Variants in MEGF10 observed in about 807,000 individuals in gnomAD.
The protein encoded by MEGF10 is multiple EGF like domains 10.
MEGF10 carries 86 observed loss-of-function variants against 147.5 expected under a neutral mutation model. That is an observed-to-expected ratio of 0.58 (90% CI 0.49 to 0.70). The LOEUF is 0.70. Ranked by LOEUF, MEGF10 falls within the 30% of genes least tolerant of loss-of-function variation. The pLI, the probability that MEGF10 is intolerant of heterozygous loss-of-function variation, is 0.00. For synonymous variants in MEGF10, 478 were observed against 525.5 expected (o/e 0.91, Z 1.24); for missense variants, 1,329 against 1,487.3 (o/e 0.89, Z 1.75).
At chr5:127,391,077 C>G (rs1357216506) in intron 5 of MEGF10, among the ~76,000 whole-genome samples, 11 of 138,008 alleles carry the variant, frequency 8.0e-5, no homozygotes, top group African/African-American at 3.2e-4. Context: ...TATATACATA[C>G]ATACACACAT....
At chr5:127,354,835 G>T (rs1454053393) in intron 4 of MEGF10, among the ~76,000 whole-genome samples, 1 of 152,134 alleles carries the variant, frequency 6.6e-6, no homozygotes, top group African/African-American at 2.4e-5. Flanking sequence ...TTTTGTGTTG[G>T]GGATGGGAAA....
intron 6 of MEGF10, among the ~76,000 whole-genome samples, chr5:127,397,123 T>A: frequency 6.6e-6 from 1 of 152,332 alleles, no homozygotes; most frequent in East Asian, 1.9e-4. Flanking sequence ...CCCGAGAATA[T>A]GTTCATTTAT....
At chr5:127,235,535 CTGTT>C in the MEGF10 span, among the ~76,000 whole-genome samples, 1 of 152,208 alleles carries the variant, frequency 6.6e-6, no homozygotes, top group East Asian at 1.9e-4. Flanking sequence ...GAATAGCTGT[CTGTT>C]AGATTTCTTC....
chr5:127,445,747 C>T (rs907839132), intron 20 of MEGF10, 54 bp downstream of exon 20: 68 of 1,344,466 alleles, frequency 5.1e-5, no homozygotes, highest in East Asian at 9.2e-5. Flanking sequence ...AAATTTCATT[C>T]GGGTTCTTTA....
chr5:127,380,862 G>A (rs1404384865), intron 5 of MEGF10, among the ~76,000 whole-genome samples: 1 of 152,138 alleles, frequency 6.6e-6, no homozygotes, highest in Non-Finnish European at 1.5e-5. Flanking sequence ...CCTGGCCATA[G>A]ACTGGTAGCT....
intron 14 of MEGF10, among the ~76,000 whole-genome samples, chr5:127,434,274 AT>A (rs1765482101): frequency 6.6e-6 from 1 of 151,784 alleles, no homozygotes; most frequent in South Asian, 2.1e-4. Context: ...ATCGATTTTT[AT>A]TGCCAGAAAC....
the MEGF10 span, among the ~76,000 whole-genome samples, chr5:127,264,919 ATT>A: frequency 1.4e-5 from 2 of 146,278 alleles, no homozygotes; most frequent in East Asian, 4.0e-4. Context: ...TTACCCAGGT[ATT>A]TTTTTTTTTA....
intron 1 of MEGF10, among the ~76,000 whole-genome samples, chr5:127,329,562 G>A (rs966495102): frequency 6.6e-6 from 1 of 151,456 alleles, no homozygotes; most frequent in Non-Finnish European, 1.5e-5. Context: ...AGATAAATTT[G>A]CCTTTTCAAG....
chr5:127,243,074 A>G, the MEGF10 span, among the ~76,000 whole-genome samples: 1 of 152,212 alleles, frequency 6.6e-6, no homozygotes, highest in South Asian at 2.1e-4. Flanking sequence ...TTAGGTATGC[A>G]TGTAATGTGG....
chr5:127,365,656 C>T (rs1762628128), intron 4 of MEGF10, among the ~76,000 whole-genome samples: 1 of 152,114 alleles, frequency 6.6e-6, no homozygotes, highest in South Asian at 2.1e-4. Flanking sequence ...TCTTGGCTGC[C>T]CTGTGCAGCT....
In MEGF10 at chr5:127,449,209, C is replaced by T; in HGVS notation, c.2967C>T (p.Tyr989=). The change falls in exon 22 of 25, where the codon TAC becomes TAT. Residue 989 remains tyrosine, a synonymous_variant. Coordinates refer to ENST00000503335, the MANE Select transcript of MEGF10 (RefSeq NM_001256545.2). ...TLPADWKHGG[Y]LNELGAFGLD... ...CGGCTGACTGGAAACATGGCGGCTA[C>T]CTCAACGAGCTCGGTGAGTTCTCCC... 6.2e-7 allele frequency: 1 copy of T among 1,613,242 alleles called. No individual in the cohort carries two copies. The highest frequency in any genetic ancestry group is 8.5e-7 in the Non-Finnish European group (1 of 1,179,548).
intron 7 of MEGF10, among the ~76,000 whole-genome samples, chr5:127,401,530 G>A (rs1288699550): frequency 6.6e-6 from 1 of 152,144 alleles, no homozygotes; most frequent in African/African-American, 2.4e-5. Context: ...AAACATTTAG[G>A]AAACCATCTG....
At chr5:127,393,292 G>C (rs1380863588) in intron 5 of MEGF10, among the ~76,000 whole-genome samples, 1 of 152,176 alleles carries the variant, frequency 6.6e-6, no homozygotes, top group Non-Finnish European at 1.5e-5. Context: ...AGGATAACTG[G>C]TCAAATTCTG....
chr5:127,238,029 C>CTATATATATATATA, the MEGF10 span, among the ~76,000 whole-genome samples: 8 of 139,126 alleles, frequency 5.8e-5, no homozygotes, highest in East Asian at 7.0e-4. Flanking sequence ...AAACTTCAGA[C>CTATATATATATATA]TATATATATA....
At chr5:127,387,970 T>C (rs1763495966) in intron 5 of MEGF10, among the ~76,000 whole-genome samples, 2 of 151,748 alleles carry the variant, frequency 1.3e-5, no homozygotes, top group African/African-American at 4.8e-5. Context: ...TCTCTGCTTG[T>C]GAAAGTTATA....
At chr5:127,317,050 C>T (rs246946) in intron 1 of MEGF10, among the ~76,000 whole-genome samples, 100,546 of 152,104 alleles carry the variant, frequency 0.66, 33,612 homozygotes, top group Middle Eastern at 0.8. Context: ...ATTGTTCAAG[C>T]GACATATACA....
rs568243584 is a variant in MEGF10, at chr5:127,460,043, T to C, written c.*2725T>C. 1.3e-5 allele frequency: 2 copies of C among 152,324 alleles called. No individual in the cohort carries two copies. Among genetic ancestry groups the C allele is most frequent in the East Asian group, 3.9e-4 (2 of 5,184 alleles). 9.4% of individuals were successfully genotyped at this position (152,324 alleles called of 1,614,324 possible). A position where few individuals can be genotyped will look rare whatever the true frequency, so the allele number is the denominator to read the frequency against. ...AATTTGACATTGATGTCACTCTTCA[T>C]ACCAAGTGAATCTATTCTCATGAAC... On this transcript the variant is annotated 3_prime_UTR_variant, in exon 25 of 25. Transcript: ENST00000503335.
At chr5:127,242,044 G>A in the MEGF10 span, among the ~76,000 whole-genome samples, 5 of 152,128 alleles carry the variant, frequency 3.3e-5, no homozygotes, top group East Asian at 1.9e-4. Context: ...AAAAGGTTAC[G>A]TACAGGGAGG....
intron 10 of MEGF10, among the ~76,000 whole-genome samples, 177 bp downstream of exon 10, chr5:127,417,989 G>A (rs960919138): frequency 5.3e-5 from 8 of 152,180 alleles, no homozygotes; most frequent in African/African-American, 1.9e-4. Flanking sequence ...AATTACCTTA[G>A]AATAATGACT....
Sources: allele counts gnomAD v4.1 joint callset (sites outside exome capture counted in the v4.1 genomes callset), GRCh38; gene constraint gnomAD v4.1.1; transcripts MANE v1.5; gene names NCBI Gene and HGNC (gene_info 2026-07-23, HGNC 2026-07-21).